Variants in FREM2 observed in about 807,000 individuals in gnomAD.
FREM2 encodes FRAS1-related extracellular matrix protein 2.
In FREM2, 119 loss-of-function variants were observed where a neutral mutation model predicts 219.9. The observed-to-expected ratio is 0.54, with a 90% CI of 0.47 to 0.63. FREM2 has a LOEUF of 0.63. Ranked by LOEUF, FREM2 falls within the 30% of genes least tolerant of loss-of-function variation. FREM2 has a pLI of 0.00. For missense variants in FREM2, 4,030 were observed against 3,993.6 expected (o/e 1.01, Z -0.25); for synonymous variants, 1,562 against 1,522.8 (o/e 1.03, Z -0.60).
In FREM2 at chr13:38,688,838, C is replaced by A. The variant is rs1384873661; in HGVS notation, c.1494C>A (p.Ser498=). ...RHGHLVILGA[S]SGSSAPKSFT... is the part of the protein sequence containing the mutation. ...GTCACCTTGTCATTCTGGGTGCTTC[C>A]AGTGGCAGCTCTGCTCCCAAGAGCT... Residue 498 remains serine, a synonymous_variant, in exon 1 of 24, where the codon TCC becomes TCA. Transcript: ENST00000280481. 1 of 1,613,832 alleles carries A rather than the reference C, an allele frequency of 6.2e-7. No individual in the cohort carries two copies. Among genetic ancestry groups the A allele is most frequent in the Non-Finnish European group, 8.5e-7 (1 of 1,179,996 alleles).
intron 6 of FREM2, among the ~76,000 whole-genome samples, chr13:38,789,938 A>T (rs7992013): frequency 0.52 from 79,464 of 151,828 alleles, 22,440 homozygotes; most frequent in Non-Finnish European, 0.64. Flanking sequence ...CCTTGCATAT[A>T]ATAATTTTGT....
rs141595755 is a variant in FREM2, at chr13:38,849,141, G to C, written c.6379+471G>C. Among the ~76,000 whole-genome samples, 884 of 152,246 alleles carry C rather than the reference G, an allele frequency of 5.8e-3. 5 individuals are homozygous for C. Among genetic ancestry groups the C allele is most frequent in the Non-Finnish European group, 9.5e-3 (649 of 68,022 alleles). On this transcript the variant is annotated intron_variant, in intron 8 of 23. Coordinates refer to ENST00000280481, the MANE Select transcript of FREM2 (RefSeq NM_207361.6). Reference sequence around the variant, plus strand: ...ATTGGGGGTTGGGATTTCAACATATGAATTTGAGAGGAACACAGTCCAGCT... The same window carrying C: ...ATTGGGGGTTGGGATTTCAACATATCAATTTGAGAGGAACACAGTCCAGCT...
chr13:38,738,569 A>T (rs2442358), intron 2 of FREM2, among the ~76,000 whole-genome samples: 2,373 of 41,704 alleles, frequency 0.057, 25 homozygotes, highest in Middle Eastern at 0.098. Flanking sequence ...CCATCTCAAA[A>T]AAAAAAAAAA....
chr13:38,696,483 C>T (rs1870110711), intron 1 of FREM2, among the ~76,000 whole-genome samples: 1 of 152,144 alleles, frequency 6.6e-6, no homozygotes, highest in Admixed American at 6.5e-5. Flanking sequence ...AACCATAGAA[C>T]ACACACTAGA....
intron 2 of FREM2, among the ~76,000 whole-genome samples, chr13:38,760,221 A>G (rs1873174494): frequency 1.3e-5 from 2 of 152,266 alleles, no homozygotes; most frequent in Admixed American, 6.5e-5. Flanking sequence ...ACTTTGGGCC[A>G]TCTCCCTGTC....
At chr13:38,807,180 TTG>T (rs1875263314) in intron 6 of FREM2, among the ~76,000 whole-genome samples, 1 of 105,764 alleles carries the variant, frequency 9.5e-6, no homozygotes. Flanking sequence ...TGCAGAGATC[TTG>T]TCTCTGTTAT....
intron 3 of FREM2, among the ~76,000 whole-genome samples, chr13:38,766,672 C>T (rs962766869): frequency 7.9e-5 from 12 of 152,132 alleles, no homozygotes; most frequent in African/African-American, 2.7e-4. Flanking sequence ...TGTATATTCT[C>T]AAAGATTATT....
intron 13 of FREM2, among the ~76,000 whole-genome samples, chr13:38,858,692 A>G (rs915867150): frequency 6.6e-6 from 1 of 152,194 alleles, no homozygotes; most frequent in Non-Finnish European, 1.5e-5. Flanking sequence ...TGAGTCAACA[A>G]GGCAGAGATA....
chr13:38,852,905 C>T (rs1218116543), intron 11 of FREM2, among the ~76,000 whole-genome samples: 1 of 151,760 alleles, frequency 6.6e-6, no homozygotes, highest in Non-Finnish European at 1.5e-5. Context: ...GGGGTTTTAC[C>T]ATGTTGGCCA....
rs372000220 is a variant in FREM2 at position 38,850,950 on chromosome 13, C to G, written c.6584C>G (p.Thr2195Arg). 6.2e-7 allele frequency: 1 copy of G among 1,611,736 alleles called. No individual in the cohort carries two copies. Among genetic ancestry groups the G allele is most frequent in the African/African-American group, 1.3e-5 (1 of 74,846 alleles). ...GCTGACATTATTGTTCCAGGTGAGA[C>G]AGAAAAGCCCTGCATTCTTGAGCTG... ...TSIITFLPGE[T>R]EKPCILELMD... Residue 2195 changes from threonine (T) to arginine (R), a missense_variant, in exon 10 of 24, where the codon ACA (threonine) becomes AGA (arginine). By Grantham distance (71) the Thr-to-Arg change is moderately conservative. Around this residue, in one of 2 missense-constraint regions of FREM2, gnomAD observed 3,102 missense variants for 2,950.7 expected, o/e 1.05. Transcript: ENST00000280481.
rs7324632 is a variant in FREM2, at chr13:38,882,927, C to A, written c.*2140C>A. On this transcript the variant is annotated 3_prime_UTR_variant, in exon 24 of 24. Transcript: ENST00000280481. ...GGAGTCTGTCAATGAATATAGCAAT[C>A]GGTGAAGCATTACTGTACGAAGTCT... 3 of 151,948 alleles carry A rather than the reference C, an allele frequency of 2.0e-5. No homozygotes were observed. Among genetic ancestry groups the A allele is most frequent in the African/African-American group, 7.3e-5 (3 of 41,378 alleles). 9.4% of individuals were successfully genotyped at this position (151,948 alleles called of 1,614,324 possible).
At chr13:38,779,014 A>G (rs991775655) in intron 4 of FREM2, among the ~76,000 whole-genome samples, 1 of 152,216 alleles carries the variant, frequency 6.6e-6, no homozygotes, top group Non-Finnish European at 1.5e-5. Flanking sequence ...TAATTTCTAC[A>G]TTGAAATTTT....
At chr13:38,754,466 A>G (rs1872901486) in intron 2 of FREM2, among the ~76,000 whole-genome samples, 1 of 152,190 alleles carries the variant, frequency 6.6e-6, no homozygotes, top group Admixed American at 6.5e-5. Flanking sequence ...ACTCAGAGGA[A>G]GTATAGGAAT....
intron 4 of FREM2, among the ~76,000 whole-genome samples, chr13:38,771,101 A>G (rs1351473845): frequency 6.6e-6 from 1 of 152,226 alleles, no homozygotes; most frequent in East Asian, 1.9e-4. Context: ...AAGACTAAGC[A>G]TAATTAAAGA....
At chr13:38,869,079 A>C (rs547114848) in intron 16 of FREM2, among the ~76,000 whole-genome samples, 41 of 152,330 alleles carry the variant, frequency 2.7e-4, no homozygotes, top group Admixed American at 4.6e-4. Context: ...TCTCAGCTCA[A>C]GGTAATCACT....
intron 4 of FREM2, among the ~76,000 whole-genome samples, chr13:38,773,107 G>A (rs1017449860): frequency 6.6e-6 from 1 of 152,076 alleles, no homozygotes; most frequent in South Asian, 2.1e-4. Context: ...TTATATAGTT[G>A]TTATATAGGT....
rs1878715526 is a variant in FREM2 at position 38,886,075 on chromosome 13, G to C, written c.*5288G>C. On this transcript the variant is annotated 3_prime_UTR_variant, in exon 24 of 24. Transcript: ENST00000280481. ...TGGATCTTTATTTTCCCCAATGTTT[G>C]GATCATCCTCTCAGATAAGAATTGT... 1 of 151,946 alleles carries C rather than the reference G, an allele frequency of 6.6e-6. No individual in the cohort carries two copies. Among genetic ancestry groups the C allele is most frequent in the Non-Finnish European group, 1.5e-5 (1 of 67,986 alleles). The allele number at this position is 151,946 out of a possible 1,614,324, so 9.4% of individuals were successfully genotyped here.
Position 38,689,123 on chromosome 13 carries a change from T to C in FREM2, c.1779T>C (p.Asp593=). Residue 593 remains aspartate, a synonymous_variant, in exon 1 of 24, where the codon GAT becomes GAC. Transcript: ENST00000280481. ...GTGCAACTGACATGGATTCAGATGA[T>C]TCTCTGCTGCTTTTTGTGCTGGAGT... The part of the protein sequence containing the change: ...SLSATDMDSD[D]SLLLFVLESP... The C allele has an allele frequency of 6.2e-7, 1 of 1,613,902 alleles. No homozygotes were observed. The highest frequency in any genetic ancestry group is 1.3e-5 in the African/African-American group (1 of 75,048).
chr13:38,739,239 G>A (rs1872133104), intron 2 of FREM2, among the ~76,000 whole-genome samples: 1 of 152,090 alleles, frequency 6.6e-6, no homozygotes, highest in African/African-American at 2.4e-5. Flanking sequence ...TTAAAAACAG[G>A]AAAATATTGG....
Sources: gnomAD v4.1 joint callset for allele counts (sites outside exome capture counted in the v4.1 genomes callset) on GRCh38, gnomAD v4.1.1 for gene constraint, gnomAD v4.1.1 regional missense constraint, MANE v1.5 for transcripts, NCBI Gene and HGNC (gene_info 2026-07-23, HGNC 2026-07-21) for gene names.